Variants in FRY observed in about 807,000 individuals in gnomAD.
FRY encodes FRY microtubule binding protein, also known as protein furry homolog.
FRY carries 128 observed loss-of-function variants against 348.4 expected under a neutral mutation model. That is an observed-to-expected ratio of 0.37 (90% confidence interval 0.32 to 0.43). The LOEUF (loss-of-function observed/expected upper bound fraction) is 0.43, where lower values mean the gene tolerates loss of function less well. FRY is among the 20% of genes least tolerant of loss of function. FRY has a pLI of 1.00. For missense variants in FRY, 2,736 were observed against 3,695.2 expected (o/e 0.74, Z 6.73); for synonymous variants, 1,370 against 1,374.7 (o/e 1.00, Z 0.08).
At chr13:32,091,676 G>A (rs764939995) in intron 2 of FRY, among the ~76,000 whole-genome samples, 11 of 152,334 alleles carry the variant, frequency 7.2e-5, no homozygotes, top group Admixed American at 1.3e-4. Context: ...GCATCTTCCC[G>A]TGTTCTGGTG....
chr13:32,070,214 TTTGGGTCTATACCCAGTCATGGTA>T (rs1403347573), intron 1 of FRY, among the ~76,000 whole-genome samples: 1 of 152,222 alleles, frequency 6.6e-6, no homozygotes, highest in East Asian at 1.9e-4. Context: ...TTTATAATCC[TTTGGGTCTATACCCAGTCATGGTA>T]TTGCTGGGTC....
intron 36 of FRY, among the ~76,000 whole-genome samples, chr13:32,221,841 C>T (rs749502069): frequency 1.3e-5 from 2 of 152,148 alleles, no homozygotes; most frequent in Non-Finnish European, 2.9e-5. Flanking sequence ...AATATTGTGA[C>T]GTTCATTCAT....
chr13:32,182,555 T>A (rs114033463), intron 23 of FRY, among the ~76,000 whole-genome samples: 1 of 152,230 alleles, frequency 6.6e-6, no homozygotes, highest in African/African-American at 2.4e-5. Context: ...AAATTTCTTG[T>A]GTACAGGGGC....
intron 44 of FRY, among the ~76,000 whole-genome samples, chr13:32,238,845 AAG>A (rs1422121972): frequency 6.6e-6 from 1 of 152,198 alleles, no homozygotes; most frequent in Non-Finnish European, 1.5e-5. Flanking sequence ...CCTTATTTTA[AAG>A]AGTCTTTTCA....
intron 13 of FRY, among the ~76,000 whole-genome samples, chr13:32,148,317 A>C (rs1412246060): frequency 6.6e-6 from 1 of 152,194 alleles, no homozygotes; most frequent in African/African-American, 2.4e-5. Flanking sequence ...TTCAGAGAAA[A>C]CCAAAAGAGA....
chr13:32,115,651 T>C (rs1403390571), intron 3 of FRY, among the ~76,000 whole-genome samples: 2 of 152,216 alleles, frequency 1.3e-5, no homozygotes, highest in Admixed American at 1.3e-4. Flanking sequence ...AACAGTTACT[T>C]TATACCTTCA....
intron 3 of FRY, among the ~76,000 whole-genome samples, chr13:32,103,144 G>A (rs530441153): frequency 1.3e-5 from 2 of 152,326 alleles, no homozygotes; most frequent in South Asian, 4.1e-4. Context: ...CAACGGTGGC[G>A]TGGCTCTGGG....
chr13:32,261,899 A>G, intron 52 of FRY, 83 bp downstream of exon 52: 1 of 1,303,740 alleles, frequency 7.7e-7, no homozygotes, highest in South Asian at 1.2e-5. Flanking sequence ...AGTTGCAGCT[A>G]AGGAAACTTT....
intron 36 of FRY, among the ~76,000 whole-genome samples, chr13:32,221,558 G>T (rs973343237): frequency 2.0e-5 from 3 of 152,098 alleles, no homozygotes; most frequent in African/African-American, 4.8e-5. Flanking sequence ...CATAGCCCAG[G>T]CTATAGTGCA....
intron 29 of FRY, 72 bp downstream of exon 29, chr13:32,194,369 G>C: frequency 1.4e-6 from 2 of 1,382,876 alleles, no homozygotes; most frequent in Non-Finnish European, 2.1e-6. Context: ...GAATGACGGA[G>C]AGCTGTTTTG....
intron 16 of FRY, among the ~76,000 whole-genome samples, chr13:32,159,383 A>G (rs1019996076): frequency 6.6e-6 from 1 of 152,238 alleles, no homozygotes; most frequent in Non-Finnish European, 1.5e-5. Context: ...GGCCCTACGC[A>G]GGGTAAGAAC....
chr13:32,175,689 A>T, intron 20 of FRY, 57 bp downstream of exon 20: 1 of 987,192 alleles, frequency 1.0e-6, no homozygotes, highest in Non-Finnish European at 1.6e-6. Flanking sequence ...CCTATCTAAA[A>T]TAGTCAGTGA....
At chr13:32,140,748 T>C (rs1042623643) in intron 11 of FRY, among the ~76,000 whole-genome samples, 11 of 152,334 alleles carry the variant, frequency 7.2e-5, no homozygotes, top group African/African-American at 2.6e-4. Context: ...GCCATAAATA[T>C]ATTTGATGAA....
intron 25 of FRY, 25 bp downstream of exon 25, chr13:32,184,716 G>A: frequency 1.5e-6 from 2 of 1,297,928 alleles, no homozygotes; most frequent in African/African-American, 1.4e-5. Flanking sequence ...CTACCGAGTT[G>A]CTCTCTTCTC....
At chr13:32,158,650 G>T (rs1390749426) in intron 16 of FRY, among the ~76,000 whole-genome samples, 1 of 152,108 alleles carries the variant, frequency 6.6e-6, no homozygotes, top group Non-Finnish European at 1.5e-5. Context: ...AGGCATGGTG[G>T]CTCACACCTG....
intron 53 of FRY, among the ~76,000 whole-genome samples, chr13:32,263,420 T>A (rs1887769559): frequency 6.6e-6 from 1 of 152,178 alleles, no homozygotes; most frequent in Admixed American, 6.5e-5. Flanking sequence ...AAATTACAAT[T>A]ACCTAAAAAT....
intron 28 of FRY, among the ~76,000 whole-genome samples, chr13:32,190,796 G>A (rs912625383): frequency 4.6e-5 from 7 of 152,110 alleles, no homozygotes; most frequent in South Asian, 2.1e-4. Flanking sequence ...GTCAAAATCC[G>A]GGCAGGATAT....
At chr13:32,277,787 C>A (rs1888606451) in intron 57 of FRY, among the ~76,000 whole-genome samples, 1 of 152,244 alleles carries the variant, frequency 6.6e-6, no homozygotes, top group East Asian at 1.9e-4. Context: ...CTTTTACCTG[C>A]CACTCTTTTC....
chr13:32,145,973 G>A (rs1244689543), intron 11 of FRY, among the ~76,000 whole-genome samples: 1 of 152,112 alleles, frequency 6.6e-6, no homozygotes, highest in African/African-American at 2.4e-5. Context: ...ACCATCATGA[G>A]AAGCCTATTC....
Sources: gnomAD v4.1 joint callset for allele counts (sites outside exome capture counted in the v4.1 genomes callset) on GRCh38, gnomAD v4.1.1 for gene constraint, MANE v1.5 for transcripts, NCBI Gene and HGNC (gene_info 2026-07-23, HGNC 2026-07-21) for gene names.